VDR: variants seen among roughly 807,000 people sequenced by gnomAD.
VDR encodes the protein vitamin D receptor, also known as vitamin D3 receptor.
A neutral mutation model predicts 39.7 loss-of-function variants in VDR; 19 were observed. The ratio of observed to expected loss-of-function variants is 0.48; its 90% CI spans 0.33 to 0.70. VDR has a LOEUF of 0.70. Among genes scored for constraint, VDR ranks in the 30% least tolerant of loss-of-function variants. The pLI, the probability that VDR is intolerant of heterozygous loss-of-function variation, is 0.02. For synonymous variants in VDR, 242 were observed against 215.8 expected (o/e 1.12, Z -1.07); for missense variants, 442 against 570.5 (o/e 0.77, Z 2.29).
chr12:47,844,602 G>T lies in VDR; in HGVS notation c.*144C>A. ...GGTTAGGTTGGACAGGAGAGAGAAT[G>T]GGCTGGGTGGATAGGGGAGGTGGCA... On this transcript the variant is annotated 3_prime_UTR_variant, in exon 10 of 10. Coordinates refer to ENST00000549336, the MANE Select transcript of VDR (RefSeq NM_000376.3). The T allele has an allele frequency of 8.9e-7, 1 of 1,126,924 alleles. No individual in the cohort carries two copies. Among genetic ancestry groups the T allele is most frequent in the East Asian group, 2.5e-5 (1 of 40,546 alleles). 69.8% of individuals were successfully genotyped at this position (1,126,924 alleles called of 1,614,324 possible).
At chr12:47,897,046 G>A (rs1305444872) in intron 1 of VDR, 2 of 152,234 alleles carry the variant, frequency 1.3e-5, no homozygotes, top group African/African-American at 2.4e-5. Context: ...ATGCACAAGT[G>A]AGGAAGAGAA....
At chr12:47,902,602 T>A (rs1341745232) in intron 1 of VDR, among the ~76,000 whole-genome samples, 9 of 152,372 alleles carry the variant, frequency 5.9e-5, no homozygotes, top group African/African-American at 2.2e-4. Flanking sequence ...AAATGGAAGC[T>A]GGAGCCCTGT....
intron 3 of VDR, among the ~76,000 whole-genome samples, chr12:47,865,759 G>C (rs918876537): frequency 7.0e-6 from 1 of 142,988 alleles, no homozygotes; most frequent in Non-Finnish European, 1.5e-5. Flanking sequence ...CTGTCACCCA[G>C]GCTGGAGTGC....
intron 3 of VDR, among the ~76,000 whole-genome samples, chr12:47,875,301 T>G (rs1381980322): frequency 6.6e-6 from 1 of 152,228 alleles, no homozygotes; most frequent in Non-Finnish European, 1.5e-5. Context: ...TCTCCAGGGC[T>G]TGGAAAAGAG....
chr12:47,892,128 TG>T (rs1946382571), intron 1 of VDR, among the ~76,000 whole-genome samples: 1 of 152,208 alleles, frequency 6.6e-6, no homozygotes, highest in Admixed American at 6.5e-5. Flanking sequence ...TCACTTATCC[TG>T]GGATAGATTC....
intron 3 of VDR, among the ~76,000 whole-genome samples, chr12:47,868,970 G>T (rs1417314862): frequency 6.6e-6 from 1 of 152,104 alleles, no homozygotes; most frequent in African/African-American, 2.4e-5. Context: ...ACCAGACTGG[G>T]CCCGGGACTG....
chr12:47,895,251 C>T (rs1283924301), intron 1 of VDR, among the ~76,000 whole-genome samples: 3 of 152,208 alleles, frequency 2.0e-5, no homozygotes, highest in Non-Finnish European at 4.4e-5. Context: ...TCCATTCATT[C>T]GTTGTCTACC....
chr12:47,853,223 A>G (rs1003989455), intron 7 of VDR, among the ~76,000 whole-genome samples: 2 of 152,044 alleles, frequency 1.3e-5, no homozygotes, highest in African/African-American at 2.4e-5. Context: ...CAGGCGGATC[A>G]CGAGGTCAGG....
chr12:47,865,269 C>A, intron 3 of VDR, 92 bp from the exon 4 acceptor site: 1 of 1,580,242 alleles, frequency 6.3e-7, no homozygotes, highest in Non-Finnish European at 8.6e-7. Context: ...GCCCCCTGGT[C>A]TCCATTTCTC....
chr12:47,899,888 G>T, intron 1 of VDR: 2 of 985,116 alleles, frequency 2.0e-6, no homozygotes, highest in Non-Finnish European at 2.4e-6. Context: ...AATGTGCACG[G>T]GGCCTGGCAT....
At chr12:47,874,463 A>G (rs1945958663) in intron 3 of VDR, among the ~76,000 whole-genome samples, 1 of 152,154 alleles carries the variant, frequency 6.6e-6, no homozygotes, top group Non-Finnish European at 1.5e-5. Context: ...ACCTTCCTGA[A>G]TGCCAGAACA....
Position 47,844,544 on chromosome 12 carries a change from C to T in VDR, c.*202G>A. Reference sequence around the variant, plus strand: ...AACAGCAACTCCTCATGGCTGAGGTCTCAAGGGACCGGGGAAAAGCCCGCA... The same window carrying T: ...AACAGCAACTCCTCATGGCTGAGGTTTCAAGGGACCGGGGAAAAGCCCGCA... On this transcript the variant is annotated 3_prime_UTR_variant, in exon 10 of 10. Transcript: ENST00000549336. 1.4e-6 allele frequency: 1 copy of T among 704,660 alleles called. No homozygotes were observed. The highest frequency in any genetic ancestry group is 2.3e-6 in the Non-Finnish European group (1 of 429,252). The allele number at this position is 704,660 out of a possible 1,614,324, so 43.7% of individuals were successfully genotyped here. A position where few individuals can be genotyped will look rare whatever the true frequency, so the allele number is the denominator to read the frequency against.
intron 1 of VDR, among the ~76,000 whole-genome samples, chr12:47,901,969 T>A (rs1217967528): frequency 6.6e-6 from 1 of 152,152 alleles, no homozygotes; most frequent in Non-Finnish European, 1.5e-5. Flanking sequence ...GAGAATTGGC[T>A]GATAACACCA....
At position 47,898,139 on chromosome 12, in the gene VDR, G is replaced by A. The variant is rs538908891; in HGVS notation, c.-84+6816C>T. Among the ~76,000 whole-genome samples, 8 of 152,152 alleles carry A rather than the reference G, an allele frequency of 5.3e-5. No individual in the cohort carries two copies. In the East Asian group the frequency reaches 1.5e-3, roughly 29 times the overall value. ...TGCTGGTGGAAGCCCAGAGAGGAAG[G>A]GCTTCAACTGTACTTAGAGGCCCAG... On this transcript the variant is annotated intron_variant, in intron 1 of 9. Transcript: ENST00000549336.
At position 47,904,629 on chromosome 12, in the gene VDR, A is replaced by T. The variant is rs968728714; in HGVS notation, c.-84+326T>A. On this transcript the variant is annotated intron_variant, in intron 1 of 9. Coordinates refer to ENST00000549336, the MANE Select transcript of VDR (RefSeq NM_000376.3). ...GCTCCTTTTCTTATTCCTCCACTCC[A>T]TGCCAAGGCGCCCCGACAGAAGAAG... 6 of 1,535,808 alleles carry T rather than the reference A, an allele frequency of 3.9e-6. No homozygotes were observed. In the South Asian group the frequency reaches 7.1e-5, roughly 18 times the overall value.
rs11574093 is a variant in VDR at position 47,855,339 on chromosome 12, A to AAAATAAATAAATAAATAAAT, written c.755+271_755+290dup. ...CGAGAATCTGTCTGGAAAAAAAATA[A>AAAATAAATAAATAAATAAAT]AAATAAATAAATAAATAAATAAATA... On this transcript the variant is annotated intron_variant, in intron 7 of 9. Transcript: ENST00000549336. Among the ~76,000 whole-genome samples the AAAATAAATAAATAAATAAAT allele has an allele frequency of 3.6e-3, 530 of 146,542 alleles. 3 individuals carry two copies. Among genetic ancestry groups the AAAATAAATAAATAAATAAAT allele is most frequent in the African/African-American group, 0.013 (508 of 39,060 alleles).
chr12:47,884,842 C>G (rs1351478231), intron 1 of VDR, among the ~76,000 whole-genome samples: 1 of 152,132 alleles, frequency 6.6e-6, no homozygotes, highest in African/African-American at 2.4e-5. Context: ...CAGGTTCCAT[C>G]CACTTTCTGT....
intron 1 of VDR, among the ~76,000 whole-genome samples, chr12:47,885,242 C>T (rs1171924553): frequency 1.3e-5 from 2 of 152,248 alleles, no homozygotes; most frequent in African/African-American, 2.4e-5. Flanking sequence ...CCCCTGGCTT[C>T]CATCCCTCCA....
chr12:47,891,962 C>A (rs1463320889), intron 1 of VDR, among the ~76,000 whole-genome samples: 2 of 142,602 alleles, frequency 1.4e-5, no homozygotes, highest in East Asian at 4.9e-4. Flanking sequence ...GAGGTGGGTG[C>A]CGAGGGGCTG....
Sources: gnomAD v4.1 joint callset for allele counts (sites outside exome capture counted in the v4.1 genomes callset) on GRCh38, gnomAD v4.1.1 for gene constraint, MANE v1.5 for transcripts, NCBI Gene and HGNC (gene_info 2026-07-23, HGNC 2026-07-21) for gene names.